SEMA5B: variants seen among roughly 807,000 people sequenced by gnomAD.
SEMA5B encodes the protein semaphorin 5B.
A neutral mutation model predicts 135.0 loss-of-function variants in SEMA5B; 66 were observed. That is an observed-to-expected ratio of 0.49 (90% CI 0.40 to 0.60). The LOEUF (loss-of-function observed/expected upper bound fraction) is 0.60. Ranked by LOEUF, SEMA5B falls within the 20% of genes least tolerant of loss-of-function variation. The pLI, the probability that SEMA5B is intolerant of heterozygous loss-of-function variation, is 0.00. For missense variants in SEMA5B, 1,501 were observed against 1,566.3 expected (o/e 0.96, Z 0.70); for synonymous variants, 690 against 639.5 (o/e 1.08, Z -1.19).
At chr3:123,008,104 A>C (rs1218877148) in intron 1 of SEMA5B, among the ~76,000 whole-genome samples, 3 of 152,262 alleles carry the variant, frequency 2.0e-5, no homozygotes, top group African/African-American at 7.2e-5. Flanking sequence ...CGCAGAAATA[A>C]GTCTGTTATG....
intron 4 of SEMA5B, among the ~76,000 whole-genome samples, chr3:122,942,790 G>A (rs2332410): frequency 0.068 from 10,424 of 152,212 alleles, 522 homozygotes; most frequent in African/African-American, 0.14. Context: ...ACACATTCTC[G>A]GGTGCTGCTG....
chr3:122,976,087 C>T (rs766141714), intron 1 of SEMA5B: 19 of 1,535,202 alleles, frequency 1.2e-5, no homozygotes, highest in Admixed American at 9.8e-5. Context: ...CTGACCCTCA[C>T]GCAGCCAATG....
chr3:123,008,038 A>C (rs60335943), intron 1 of SEMA5B, among the ~76,000 whole-genome samples: 20,231 of 152,248 alleles, frequency 0.13, 2,114 homozygotes, highest in African/African-American at 0.28. Context: ...AATGAGGAAT[A>C]GCAAATCTGG....
intron 1 of SEMA5B, among the ~76,000 whole-genome samples, chr3:123,023,666 C>A (rs1196184780): frequency 1.3e-5 from 2 of 152,206 alleles, no homozygotes; most frequent in Non-Finnish European, 2.9e-5. Context: ...ACTCCAAGTC[C>A]TTTGGACAAC....
At chr3:122,934,112 G>A (rs995389576) in intron 5 of SEMA5B, among the ~76,000 whole-genome samples, 10 of 150,608 alleles carry the variant, frequency 6.6e-5, no homozygotes, top group Admixed American at 3.3e-4. Context: ...TCACCATGCT[G>A]GCCAGGCTGG....
At chr3:122,925,257 A>G (rs1211736543) in intron 9 of SEMA5B, among the ~76,000 whole-genome samples, 2 of 152,052 alleles carry the variant, frequency 1.3e-5, no homozygotes, top group South Asian at 2.1e-4. Flanking sequence ...GTGCCCACCC[A>G]TCACTGTCTA....
At chr3:122,980,787 G>A (rs1161654322) in intron 1 of SEMA5B, among the ~76,000 whole-genome samples, 4 of 152,098 alleles carry the variant, frequency 2.6e-5, no homozygotes, top group Non-Finnish European at 2.9e-5. Flanking sequence ...TTTCCCTGCT[G>A]AAACTCTACC....
At chr3:122,978,594 C>T (rs562547465) in intron 1 of SEMA5B, among the ~76,000 whole-genome samples, 1 of 152,172 alleles carries the variant, frequency 6.6e-6, no homozygotes, top group East Asian at 1.9e-4. Flanking sequence ...AAGAGACTCT[C>T]GGTGGTGGGT....
intron 1 of SEMA5B, among the ~76,000 whole-genome samples, chr3:123,021,102 T>C (rs1436224261): frequency 6.6e-6 from 1 of 152,226 alleles, no homozygotes; most frequent in Admixed American, 6.5e-5. Flanking sequence ...TGATGGGACC[T>C]AGGGTATCCC....
intron 2 of SEMA5B, among the ~76,000 whole-genome samples, chr3:122,950,801 A>G (rs368902784): frequency 6.6e-6 from 1 of 152,270 alleles, no homozygotes; most frequent in Admixed American, 6.5e-5. Flanking sequence ...TCATTGTGCC[A>G]TCCTTTGAAA....
chr3:122,938,507 G>T (rs922542429), intron 5 of SEMA5B, among the ~76,000 whole-genome samples: 1 of 152,136 alleles, frequency 6.6e-6, no homozygotes, highest in African/African-American at 2.4e-5. Context: ...TCCCCAAGAA[G>T]GTCTCCCTTG....
chr3:122,927,902 C>T lies in SEMA5B; in HGVS notation c.738G>A (p.Glu246=), dbSNP rs752362018. 2 of 1,595,756 alleles carry T rather than the reference C, an allele frequency of 1.3e-6. No homozygotes were observed. Among genetic ancestry groups the T allele is most frequent in the East Asian group, 2.3e-5 (1 of 43,448 alleles). The change falls in exon 8 of 23, where the codon GAG becomes GAA. Residue 246 remains glutamate, a synonymous_variant. Transcript: ENST00000357599. The part of the protein sequence containing the change: ...NSTAVISSQG[E]LYAATVIDFS... The stretch of plus-strand genomic sequence containing the variant: ...AGTCGATGACCGTGGCTGCATAGAG[C>T]TCCCCCTGGGAGGAGATGACAGCTG...
chr3:122,929,600 C>A (rs1435694111), intron 5 of SEMA5B, among the ~76,000 whole-genome samples: 3 of 152,134 alleles, frequency 2.0e-5, no homozygotes, highest in African/African-American at 7.2e-5. Flanking sequence ...TCACACAGAA[C>A]CTCGTGTAGA....
intron 1 of SEMA5B, among the ~76,000 whole-genome samples, chr3:123,005,226 G>A (rs913603887): frequency 6.6e-6 from 1 of 152,016 alleles, no homozygotes; most frequent in African/African-American, 2.4e-5. Context: ...CAGCATCAGG[G>A]TCCTCCCCAG....
chr3:122,983,646 A>G (rs983684948), intron 1 of SEMA5B, among the ~76,000 whole-genome samples: 11 of 131,452 alleles, frequency 8.4e-5, no homozygotes, highest in Non-Finnish European at 1.7e-4. Flanking sequence ...TGAACCCGGG[A>G]GGCGGAGCTT....
At chr3:122,970,006 G>A (rs768907351) in intron 1 of SEMA5B, among the ~76,000 whole-genome samples, 1 of 152,150 alleles carries the variant, frequency 6.6e-6, no homozygotes, top group South Asian at 2.1e-4. Flanking sequence ...TGCAGAGTTG[G>A]GTGGCTCCGT....
chr3:122,935,684 T>C (rs1560323536), intron 5 of SEMA5B, among the ~76,000 whole-genome samples: 1 of 102,666 alleles, frequency 9.7e-6, no homozygotes, highest in Non-Finnish European at 1.9e-5. Flanking sequence ...TTTTCTTTCT[T>C]TCTTTTTTTT....
At chr3:122,990,553 C>G (rs56037852) in intron 1 of SEMA5B, among the ~76,000 whole-genome samples, 8,591 of 152,168 alleles carry the variant, frequency 0.056, 755 homozygotes, top group African/African-American at 0.19. Context: ...ACCTGCCCCC[C>G]CAAACTCACT....
chr3:122,910,053 A>G lies in SEMA5B; in HGVS notation c.*90T>C. ...GCAGCAAGTTCTTGGCCTAGTGCAG[A>G]GGGAGAAAACCAAACTGGCTCCACT... On this transcript the variant is annotated 3_prime_UTR_variant, in exon 23 of 23. Coordinates refer to ENST00000357599, the MANE Select transcript of SEMA5B (RefSeq NM_001031702.4). 1 of 1,405,226 alleles carries G rather than the reference A, an allele frequency of 7.1e-7. No homozygotes were observed. Among genetic ancestry groups the G allele is most frequent in the Non-Finnish European group, 9.7e-7 (1 of 1,030,224 alleles). 87.0% of individuals were successfully genotyped at this position (1,405,226 alleles called of 1,614,324 possible). A position where few individuals can be genotyped will look rare whatever the true frequency, so the allele number is the denominator to read the frequency against.
Sources: gnomAD v4.1 joint callset for allele counts (sites outside exome capture counted in the v4.1 genomes callset) on GRCh38, gnomAD v4.1.1 for gene constraint, MANE v1.5 for transcripts, NCBI Gene and HGNC (gene_info 2026-07-23, HGNC 2026-07-21) for gene names.